The following CSMD1 variants were observed in gnomAD, a reference collection of about 807,000 sequenced individuals.
CSMD1 encodes CUB and sushi domain-containing protein 1.
A neutral mutation model predicts 417.5 loss-of-function variants in CSMD1; 213 were observed. That is an observed-to-expected ratio of 0.51 (90% confidence interval 0.46 to 0.57). The LOEUF (loss-of-function observed/expected upper bound fraction) is 0.57. Ranked by LOEUF, CSMD1 falls within the 20% of genes least tolerant of loss-of-function variation. The pLI is 0.00. For synonymous variants in CSMD1, 2,862 were observed against 1,736.8 expected, an observed-to-expected ratio of 1.65 and a Z score of -16.11; for missense variants, 6,923 against 4,529.7, an observed-to-expected ratio of 1.53 and a Z score of -15.17.
chr8:4,326,278 G>C (rs1399240516), intron 3 of CSMD1, among the ~76,000 whole-genome samples: 1 of 152,084 alleles, frequency 6.6e-6, no homozygotes, highest in Non-Finnish European at 1.5e-5. Context: ...ACATACGGTG[G>C]GAGACTCAGA....
In CSMD1 at chr8:4,196,212, A is replaced by AAAAT. The variant is rs764439050; in HGVS notation, c.416-164117_416-164114dup. Among the ~76,000 whole-genome samples the AAAAT allele has an allele frequency of 8.6e-4, 131 of 152,222 alleles. 1 individual carries two copies. The highest frequency in any genetic ancestry group is 5.3e-4 in the African/African-American group (22 of 41,560). ...GGCGACGGAGCAAGACTCCGTTTCA[A>AAAAT]AAATAAATAAATAAATAAATAATAA... On this transcript the variant is annotated intron_variant, in intron 3 of 69. Coordinates refer to ENST00000635120, the MANE Select transcript of CSMD1 (RefSeq NM_033225.6).
At chr8:4,405,627 A>T (rs944023090) in intron 3 of CSMD1, among the ~76,000 whole-genome samples, 5 of 152,226 alleles carry the variant, frequency 3.3e-5, no homozygotes, top group African/African-American at 7.2e-5. Context: ...AAAGAAAAAC[A>T]AGGTTTTGCT....
At chr8:3,124,199 T>C (rs1273725166) in intron 41 of CSMD1, among the ~76,000 whole-genome samples, 2 of 152,184 alleles carry the variant, frequency 1.3e-5, no homozygotes, top group East Asian at 3.9e-4. Flanking sequence ...TCATTATTCA[T>C]TTATTGAGTG....
intron 1 of CSMD1, among the ~76,000 whole-genome samples, chr8:4,903,286 C>A (rs961855759): frequency 2.6e-5 from 4 of 152,140 alleles, no homozygotes; most frequent in African/African-American, 9.7e-5. Context: ...TTACAGCTGA[C>A]CTTTCTGATT....
intron 1 of CSMD1, among the ~76,000 whole-genome samples, chr8:4,880,099 T>C (rs1199459078): frequency 6.6e-6 from 1 of 152,100 alleles, no homozygotes. Context: ...GTTGTAATCT[T>C]ATTATTTCGG....
chr8:4,213,351 C>T (rs895739554), intron 3 of CSMD1, among the ~76,000 whole-genome samples: 7 of 151,902 alleles, frequency 4.6e-5, no homozygotes, highest in East Asian at 1.9e-4. Flanking sequence ...TCTCAAGGGC[C>T]GTGCACAAAA....
intron 5 of CSMD1, among the ~76,000 whole-genome samples, chr8:3,953,997 G>A (rs1417389270): frequency 6.6e-6 from 1 of 152,146 alleles, no homozygotes; most frequent in African/African-American, 2.4e-5. Flanking sequence ...TGGTGGTGAT[G>A]CCTCCAGGTC....
At chr8:4,613,945 T>C (rs67944609) in intron 2 of CSMD1, among the ~76,000 whole-genome samples, 8,477 of 152,062 alleles carry the variant, frequency 0.056, 253 homozygotes, top group African/African-American at 0.072. Flanking sequence ...TTTTCTTTTG[T>C]ATTGTGAATT....
chr8:3,485,822 TAAAATAAAATAAAAC>T (rs1818000717), intron 11 of CSMD1, among the ~76,000 whole-genome samples: 1 of 130,608 alleles, frequency 7.7e-6, no homozygotes, highest in Non-Finnish European at 1.6e-5. Flanking sequence ...TAAAATAAAA[TAAAATAAAATAAAAC>T]AGGAAATCTG....
intron 20 of CSMD1, among the ~76,000 whole-genome samples, chr8:3,360,905 G>T (rs6986517): frequency 0.23 from 34,375 of 150,086 alleles, 3,972 homozygotes; most frequent in African/African-American, 0.27. Flanking sequence ...TTGTCACTGA[G>T]ATCTCATACC....
intron 1 of CSMD1, among the ~76,000 whole-genome samples, chr8:4,878,876 C>T (rs1803214338): frequency 6.7e-6 from 1 of 149,862 alleles, no homozygotes; most frequent in Admixed American, 6.7e-5. Flanking sequence ...AGAACCCAGA[C>T]ACACAAAAAG....
In CSMD1 at chr8:4,170,038, A is replaced by C. The variant is rs116032707; in HGVS notation, c.416-137939T>G. ...AAAATCAATAAGAGATTAAATAATT[A>C]TTTGAATACTCAAAACCTCTAGGTA... On this transcript the variant is annotated intron_variant, in intron 3 of 69. Coordinates refer to ENST00000635120, the MANE Select transcript of CSMD1 (RefSeq NM_033225.6). 7.7e-3 allele frequency among the ~76,000 whole-genome samples: 1,169 copies of C among 151,958 alleles called. 44 individuals carry two copies. The highest frequency in any genetic ancestry group is 0.026 in the African/African-American group (1,092 of 41,226).
intron 1 of CSMD1, among the ~76,000 whole-genome samples, chr8:4,939,558 C>G (rs1807843952): frequency 6.6e-6 from 1 of 152,068 alleles, no homozygotes; most frequent in South Asian, 2.1e-4. Flanking sequence ...AGACAAATAT[C>G]ACATGATCTT....
At chr8:3,492,110 G>A (rs143500492) in intron 11 of CSMD1, among the ~76,000 whole-genome samples, 4 of 152,318 alleles carry the variant, frequency 2.6e-5, no homozygotes, top group Non-Finnish European at 4.4e-5. Flanking sequence ...CAGCAAAGGC[G>A]TGTGTCTGAA....
At chr8:4,179,548 C>G (rs1798240375) in intron 3 of CSMD1, among the ~76,000 whole-genome samples, 1 of 150,224 alleles carries the variant, frequency 6.7e-6, no homozygotes, top group Non-Finnish European at 1.5e-5. Flanking sequence ...ACACCAAAAG[C>G]AATGACAACA....
At chr8:4,491,323 G>C (rs900784746) in intron 2 of CSMD1, among the ~76,000 whole-genome samples, 4 of 152,164 alleles carry the variant, frequency 2.6e-5, no homozygotes, top group African/African-American at 9.7e-5. Flanking sequence ...GCCTTATCTG[G>C]AAGGGGACAA....
At chr8:3,142,436 G>C (rs780886253) in intron 41 of CSMD1, 29 bp downstream of exon 41, 1 of 1,551,222 alleles carries the variant, frequency 6.4e-7, no homozygotes, top group Admixed American at 1.8e-5. Context: ...ATTTAGATTT[G>C]GGTTTCGGTT....
At chr8:3,081,014 T>C (rs1049946013) in intron 49 of CSMD1, among the ~76,000 whole-genome samples, 3 of 152,212 alleles carry the variant, frequency 2.0e-5, no homozygotes, top group Non-Finnish European at 4.4e-5. Flanking sequence ...TTCTCCCATA[T>C]TTATCTTAGA....
At chr8:4,385,829 T>G (rs1339698460) in intron 3 of CSMD1, among the ~76,000 whole-genome samples, 3 of 152,204 alleles carry the variant, frequency 2.0e-5, no homozygotes, top group African/African-American at 7.2e-5. Context: ...TATTTTGTGT[T>G]TCTGGGAAAC....
Sources: gnomAD v4.1 joint callset for allele counts (sites outside exome capture counted in the v4.1 genomes callset) on GRCh38, gnomAD v4.1.1 for gene constraint, MANE v1.5 for transcripts, NCBI Gene and HGNC (gene_info 2026-07-23, HGNC 2026-07-21) for gene names.